RYR2: variants seen among roughly 807,000 people sequenced by gnomAD.
RYR2 encodes the protein cardiac muscle ryanodine receptor-calcium release channel.
Under a neutral mutation model 601.1 loss-of-function variants are expected in RYR2, and 227 were observed. The observed-to-expected ratio is 0.38, with a 90% CI of 0.34 to 0.42. The LOEUF (loss-of-function observed/expected upper bound fraction) is 0.42, where lower values mean the gene tolerates loss of function less well. Ranked by LOEUF, RYR2 falls within the 10% of genes least tolerant of loss-of-function variation. The pLI is 1.00. For synonymous variants in RYR2, 2,223 were observed against 2,175.1 expected (o/e 1.02, Z -0.61); for missense variants, 4,646 against 6,156.5 (o/e 0.75, Z 8.21).
chr1:237,085,359 A>G (rs1323242589), intron 1 of RYR2, among the ~76,000 whole-genome samples: 2 of 152,192 alleles, frequency 1.3e-5, no homozygotes, highest in South Asian at 2.1e-4. Flanking sequence ...TGGTTCTACT[A>G]TTGGAAAAGT....
intron 1 of RYR2, among the ~76,000 whole-genome samples, chr1:237,268,953 A>AAACAAAC (rs1383226026): frequency 1.3e-5 from 2 of 149,340 alleles, no homozygotes; most frequent in Admixed American, 6.7e-5. Context: ...AAAAAAAAAA[A>AAACAAAC]AAAAAAAAGG....
At position 237,656,301 on chromosome 1, in the gene RYR2, C is replaced by T. The variant is rs545335593; in HGVS notation, c.8129+317C>T. On this transcript the variant is annotated intron_variant, in intron 53 of 104. Coordinates refer to ENST00000366574, the MANE Select transcript of RYR2 (RefSeq NM_001035.3). ...AATTACCCTAAATGTTTATTAATAA[C>T]GACAATCAACCTCTATATAACATCT... 2.4e-4 allele frequency among the ~76,000 whole-genome samples: 36 copies of T among 152,114 alleles called. No individual in the cohort carries two copies. The South Asian group carries it at 5.2e-3, about 22-fold the overall frequency.
chr1:237,638,955 A>T, intron 45 of RYR2, 60 bp from the exon 46 acceptor site: 1 of 1,558,054 alleles, frequency 6.4e-7, no homozygotes, highest in Non-Finnish European at 8.8e-7. Flanking sequence ...TATAACATTT[A>T]TTTGTTCAGA....
Position 237,073,742 on chromosome 1 carries a change from G to A in RYR2, c.48+31173G>A, listed in dbSNP as rs143950241. 9.4e-3 allele frequency among the ~76,000 whole-genome samples: 1,430 copies of A among 151,848 alleles called. 28 individuals carry two copies. Among genetic ancestry groups the A allele is most frequent in the African/African-American group, 0.033 (1,362 of 41,386 alleles). On this transcript the variant is annotated intron_variant, in intron 1 of 104. Coordinates refer to ENST00000366574, the MANE Select transcript of RYR2 (RefSeq NM_001035.3). ...AAAAATTAGCTGGGTGTTGTGGCAT[G>A]CACCTGTAGTCCCAGCTACTCAGGA...
In RYR2 at chr1:237,345,740, T is replaced by G. The variant is rs570214797; in HGVS notation, c.274-10225T>G. 1.1e-4 allele frequency among the ~76,000 whole-genome samples: 16 copies of G among 149,042 alleles called. No homozygotes were observed. In the South Asian group the frequency reaches 2.7e-3, roughly 25 times the overall value. On this transcript the variant is annotated intron_variant, in intron 3 of 104. Coordinates refer to ENST00000366574, the MANE Select transcript of RYR2 (RefSeq NM_001035.3). ...TAGAGGTGGTACTCTAAGCTGAATA[T>G]TTTCTAACAAAGTCTATCTATTATT... is the stretch of plus-strand genomic sequence containing the variant.
chr1:237,441,580 C>A, intron 13 of RYR2, 97 bp downstream of exon 13: 3 of 1,178,462 alleles, frequency 2.5e-6, no homozygotes, highest in Non-Finnish European at 3.5e-6. Context: ...TAGTCACCTG[C>A]AAAAGTTCAT....
At chr1:237,394,047 C>CA (rs778454030) in intron 10 of RYR2, among the ~76,000 whole-genome samples, 9 of 152,028 alleles carry the variant, frequency 5.9e-5, no homozygotes, top group African/African-American at 9.7e-5. Flanking sequence ...CAACATTATA[C>CA]AAAAAAATCT....
intron 13 of RYR2, among the ~76,000 whole-genome samples, chr1:237,445,003 G>T (rs1357816295): frequency 1.3e-5 from 2 of 152,042 alleles, no homozygotes; most frequent in Non-Finnish European, 2.9e-5. Context: ...ATGTGAAAAG[G>T]CTCTGCTGTT....
chr1:237,718,856 C>T (rs941828296), intron 73 of RYR2, among the ~76,000 whole-genome samples: 2 of 152,030 alleles, frequency 1.3e-5, no homozygotes, highest in Non-Finnish European at 2.9e-5. Context: ...TATACATGTG[C>T]CATGTTGGTG....
At chr1:237,257,288 T>TAAC (rs964789007) in intron 1 of RYR2, among the ~76,000 whole-genome samples, 4 of 152,176 alleles carry the variant, frequency 2.6e-5, no homozygotes, top group Non-Finnish European at 4.4e-5. Flanking sequence ...ATCTGTAGGG[T>TAAC]AACCATAATA....
At chr1:237,711,328 G>C (rs1325054626) in intron 70 of RYR2, among the ~76,000 whole-genome samples, 1 of 152,130 alleles carries the variant, frequency 6.6e-6, no homozygotes, top group African/African-American at 2.4e-5. Flanking sequence ...AATAAATAAT[G>C]ATATGGTATT....
chr1:237,263,812 C>T (rs755633112), intron 1 of RYR2, among the ~76,000 whole-genome samples: 17 of 151,928 alleles, frequency 1.1e-4, no homozygotes, highest in Non-Finnish European at 2.2e-4. Flanking sequence ...TTGGTGATCA[C>T]CATTAGTAAA....
intron 1 of RYR2, among the ~76,000 whole-genome samples, chr1:237,067,343 G>A (rs889056476): frequency 1.3e-5 from 2 of 152,168 alleles, no homozygotes; most frequent in Non-Finnish European, 2.9e-5. Flanking sequence ...GACTCAGGTA[G>A]AGATTCTATT....
chr1:237,155,525 G>A (rs990983231), intron 1 of RYR2, among the ~76,000 whole-genome samples: 22 of 152,008 alleles, frequency 1.4e-4, no homozygotes, highest in East Asian at 1.9e-4. Context: ...TTTATTGAGC[G>A]GAAAGGATAG....
intron 1 of RYR2, among the ~76,000 whole-genome samples, chr1:237,224,432 G>T (rs1684142646): frequency 6.6e-6 from 1 of 152,156 alleles, no homozygotes; most frequent in Admixed American, 6.5e-5. Flanking sequence ...TGTGCAGGGG[G>T]TCTATGCCCC....
intron 35 of RYR2, among the ~76,000 whole-genome samples, chr1:237,609,367 C>T (rs1431184339): frequency 7.5e-6 from 1 of 132,780 alleles, no homozygotes; most frequent in Non-Finnish European, 1.6e-5. Flanking sequence ...TCTCCCCTTC[C>T]CCCCTTCCCT....
chr1:237,172,640 A>C (rs1376978830), intron 1 of RYR2, among the ~76,000 whole-genome samples: 1 of 152,116 alleles, frequency 6.6e-6, no homozygotes, highest in Admixed American at 6.5e-5. Flanking sequence ...TTAAATACTA[A>C]ATTTTCTTTT....
intron 1 of RYR2, among the ~76,000 whole-genome samples, chr1:237,044,741 G>A (rs1476380863): frequency 6.6e-6 from 1 of 150,826 alleles, no homozygotes; most frequent in Non-Finnish European, 1.5e-5. Context: ...ATCCTTTACC[G>A]GCTTCTCCAC....
chr1:237,198,800 C>A (rs899306747), intron 1 of RYR2, among the ~76,000 whole-genome samples: 1 of 151,390 alleles, frequency 6.6e-6, no homozygotes, highest in African/African-American at 2.4e-5. Flanking sequence ...TTCAGAAAAT[C>A]ACTGTGGAAG....
Sources: allele counts gnomAD v4.1 joint callset (sites outside exome capture counted in the v4.1 genomes callset), GRCh38; gene constraint gnomAD v4.1.1; transcripts MANE v1.5; gene names NCBI Gene and HGNC (gene_info 2026-07-23, HGNC 2026-07-21).